The following AGBL4 variants were observed in gnomAD, a reference collection of about 807,000 sequenced individuals.
AGBL4 encodes the protein AGBL carboxypeptidase 4.
In AGBL4, 58 loss-of-function variants were observed where a neutral mutation model predicts 66.4. That is an observed-to-expected ratio of 0.87 (90% confidence interval 0.71 to 1.09). AGBL4 has a LOEUF of 1.09. AGBL4 is among the 50% of genes least tolerant of loss of function. The probability of loss-of-function intolerance (pLI) is 0.00; values close to 1 mark genes in which losing one functional copy is unlikely to be tolerated. For missense variants in AGBL4, 579 were observed against 631.0 expected, an observed-to-expected ratio of 0.92 and a Z score of 0.88; for synonymous variants, 234 against 222.9, an observed-to-expected ratio of 1.05 and a Z score of -0.44.
At chr1:49,948,051 A>ATACATATAAAT (rs1557608031) in intron 1 of AGBL4, among the ~76,000 whole-genome samples, 1 of 85,310 alleles carries the variant, frequency 1.2e-5, no homozygotes, top group African/African-American at 5.7e-5. Flanking sequence ...TAAATATATA[A>ATACATATAAAT]ATATATATAT....
rs528185847 is a variant in AGBL4, at chr1:49,255,985, C to A, written c.283-10121G>T. On this transcript the variant is annotated intron_variant, in intron 3 of 13. Transcript: ENST00000371839. ...TAACACATGGTCACACAGAGGGGAA[C>A]AACACACACTGGGGCCTATGGGAGA... Among the ~76,000 whole-genome samples the A allele has an allele frequency of 1.6e-3, 242 of 152,072 alleles. 4 individuals are homozygous for A. Among genetic ancestry groups the A allele is most frequent in the African/African-American group, 5.7e-3 (235 of 41,492 alleles).
chr1:48,657,098 AC>A, intron 7 of AGBL4, among the ~76,000 whole-genome samples: 1 of 152,224 alleles, frequency 6.6e-6, no homozygotes, highest in South Asian at 2.1e-4. Context: ...AAAAGCGCAG[AC>A]CCTGAAACTG....
At chr1:49,059,486 C>A (rs897452887) in intron 4 of AGBL4, among the ~76,000 whole-genome samples, 1 of 152,236 alleles carries the variant, frequency 6.6e-6, no homozygotes, top group Admixed American at 6.5e-5. Context: ...TCTGCTAGGG[C>A]AGTGTGAAAG....
intron 6 of AGBL4, among the ~76,000 whole-genome samples, chr1:48,683,146 G>T (rs555094669): frequency 6.6e-6 from 1 of 152,314 alleles, no homozygotes; most frequent in Admixed American, 6.5e-5. Context: ...CAGGGATGAT[G>T]ACAGCTGTGA....
chr1:49,753,683 T>C (rs1226752312), intron 2 of AGBL4, among the ~76,000 whole-genome samples: 1 of 152,252 alleles, frequency 6.6e-6, no homozygotes, highest in Non-Finnish European at 1.5e-5. Flanking sequence ...GGTTCCATTC[T>C]GCCCCTCACT....
rs975035980 is a variant in AGBL4, at chr1:49,977,318, G to A, written c.34+46445C>T. Among the ~76,000 whole-genome samples, 18 of 130,626 alleles carry A rather than the reference G, an allele frequency of 1.4e-4. No homozygotes were observed. The South Asian group carries it at 1.7e-3, about 13-fold the overall frequency. The allele number at this position is 130,626 out of a possible 152,430, so 85.7% of individuals were successfully genotyped here. Reference sequence around the variant, plus strand: ...CCATCTTCTATGGGCTTCACCTCTCGTCTTCCATGGACTTCACCTCCCATC... The same window carrying A: ...CCATCTTCTATGGGCTTCACCTCTCATCTTCCATGGACTTCACCTCCCATC... On this transcript the variant is annotated intron_variant, in intron 1 of 13. Transcript: ENST00000371839.
At chr1:49,316,379 T>C (rs1321005095) in intron 3 of AGBL4, among the ~76,000 whole-genome samples, 1 of 151,828 alleles carries the variant, frequency 6.6e-6, no homozygotes, top group Non-Finnish European at 1.5e-5. Flanking sequence ...AAACAAAACA[T>C]CTGTAAATTT....
At chr1:49,427,882 G>T in intron 3 of AGBL4, among the ~76,000 whole-genome samples, 1 of 152,162 alleles carries the variant, frequency 6.6e-6, no homozygotes, top group East Asian at 1.9e-4. Flanking sequence ...TTTACAGAGT[G>T]CTGATTGGTG....
At chr1:48,758,901 G>A (rs12090576) in intron 6 of AGBL4, 81 of 1,509,930 alleles carry the variant, frequency 5.4e-5, no homozygotes, top group South Asian at 1.3e-4. Context: ...GGCACTCACC[G>A]CTGCCAAGCC....
chr1:50,023,929 G>C lies in AGBL4; in HGVS notation c.-133C>G. ...ACGGTTGCCTGGGCAACGGGCGGCA[G>C]GCGCGCGGGTGGCCGGCGCGCGGCT... On this transcript the variant is annotated 5_prime_UTR_variant, in exon 1 of 14. Transcript: ENST00000371839. 3 of 1,059,200 alleles carry C rather than the reference G, an allele frequency of 2.8e-6. No individual in the cohort carries two copies. The highest frequency in any genetic ancestry group is 3.9e-6 in the Non-Finnish European group (3 of 773,536). The allele number at this position is 1,059,200 out of a possible 1,614,324, so 65.6% of individuals were successfully genotyped here. A position where few individuals can be genotyped will look rare whatever the true frequency, so the allele number is the denominator to read the frequency against.
chr1:49,930,088 A>C (rs565697936), intron 1 of AGBL4, among the ~76,000 whole-genome samples: 5 of 152,206 alleles, frequency 3.3e-5, no homozygotes, highest in African/African-American at 9.6e-5. Context: ...ATAATAAAAA[A>C]GGGAAAAAAC....
At chr1:49,876,830 T>A (rs1486352013) in intron 1 of AGBL4, among the ~76,000 whole-genome samples, 1 of 149,042 alleles carries the variant, frequency 6.7e-6, no homozygotes, top group Non-Finnish European at 1.5e-5. Context: ...CTCTTTTATT[T>A]CCTTGACCAG....
chr1:49,484,940 G>GA (rs1244117488), intron 3 of AGBL4, among the ~76,000 whole-genome samples: 1 of 151,882 alleles, frequency 6.6e-6, no homozygotes, highest in East Asian at 1.9e-4. Context: ...GAAAAAAGCA[G>GA]AAAATGTGGT....
chr1:48,856,520 T>C (rs574120302), intron 6 of AGBL4, among the ~76,000 whole-genome samples: 18 of 152,150 alleles, frequency 1.2e-4, no homozygotes, highest in Non-Finnish European at 2.1e-4. Context: ...CTAGACTGGC[T>C]CTGCAGGTCT....
At position 49,879,289 on chromosome 1, in the gene AGBL4, T is replaced by C. The variant is rs375908567; in HGVS notation, c.35-27771A>G. 5.6e-4 allele frequency among the ~76,000 whole-genome samples: 85 copies of C among 151,300 alleles called. 1 individual carries two copies. Among genetic ancestry groups the C allele is most frequent in the South Asian group, 2.6e-3 (12 of 4,690 alleles). Reference sequence around the variant, plus strand: ...TTTACATTTTGGCATGATTTTGCAGTGGCTGGTACCGGTTGTTTCTTTCCA... The same window carrying C: ...TTTACATTTTGGCATGATTTTGCAGCGGCTGGTACCGGTTGTTTCTTTCCA... On this transcript the variant is annotated intron_variant, in intron 1 of 13. Coordinates refer to ENST00000371839, the MANE Select transcript of AGBL4 (RefSeq NM_032785.4).
chr1:49,197,297 G>T (rs989181082), intron 4 of AGBL4, among the ~76,000 whole-genome samples: 3 of 152,204 alleles, frequency 2.0e-5, no homozygotes, highest in Admixed American at 1.3e-4. Context: ...GCAGGCTCAT[G>T]ACCTCCTGAG....
chr1:49,845,779 C>A (rs1571701142), intron 2 of AGBL4: 1 of 1,574,710 alleles, frequency 6.4e-7, no homozygotes, highest in Non-Finnish European at 8.7e-7. Context: ...AACCTTCAGC[C>A]ACGGCTCCTC....
At chr1:48,639,984 T>C (rs1645728951) in intron 8 of AGBL4, among the ~76,000 whole-genome samples, 1 of 152,212 alleles carries the variant, frequency 6.6e-6, no homozygotes, top group Non-Finnish European at 1.5e-5. Flanking sequence ...CTCTCACTCC[T>C]ATGACTGCCA....
chr1:49,126,303 T>C (rs954525103), intron 4 of AGBL4, among the ~76,000 whole-genome samples: 1 of 152,040 alleles, frequency 6.6e-6, no homozygotes, highest in Non-Finnish European at 1.5e-5. Context: ...GCTTAGAAAA[T>C]AGAGAAAATT....
Sources: gnomAD v4.1 joint callset for allele counts (sites outside exome capture counted in the v4.1 genomes callset) on GRCh38, gnomAD v4.1.1 for gene constraint, MANE v1.5 for transcripts, NCBI Gene and HGNC (gene_info 2026-07-23, HGNC 2026-07-21) for gene names.